Variants in MIER2 observed in about 807,000 individuals in gnomAD.
MIER2 encodes mesoderm induction early response protein 2.
A neutral mutation model predicts 67.6 loss-of-function variants in MIER2; 30 were observed. The observed-to-expected ratio is 0.44, with a 90% CI of 0.33 to 0.60. MIER2 has a LOEUF of 0.60. Ranked by LOEUF, MIER2 falls within the 20% of genes least tolerant of loss-of-function variation. The pLI is 0.02. For missense variants in MIER2, 702 were observed against 745.1 expected (o/e 0.94, Z 0.67); for synonymous variants, 372 against 312.6 (o/e 1.19, Z -2.00).
Position 306,723 on chromosome 19 carries a change from A to G in MIER2, c.1617-12T>C, listed in dbSNP as rs368456939. The G allele has an allele frequency of 3.7e-5, 58 of 1,558,686 alleles. No individual in the cohort carries two copies. Among genetic ancestry groups the G allele is most frequent in the Non-Finnish European group, 4.8e-5 (55 of 1,151,364 alleles). Reference sequence around the variant, plus strand: ...TCATCACGTTACAGCTGCAGGGGAGAGACCAAGAGAGACGCAGAGAGTGTC... The same window carrying G: ...TCATCACGTTACAGCTGCAGGGGAGGGACCAAGAGAGACGCAGAGAGTGTC... On this transcript the variant is annotated splice_polypyrimidine_tract_variant and intron_variant, in intron 13 of 13. Coordinates refer to ENST00000264819, the MANE Select transcript of MIER2 (RefSeq NM_017550.3).
At chr19:318,919 T>G in intron 7 of MIER2, among the ~76,000 whole-genome samples, 1 of 151,364 alleles carries the variant, frequency 6.6e-6, no homozygotes, top group Non-Finnish European at 1.5e-5. Context: ...TAGCCGGGCG[T>G]GGTGGTGGGC....
At position 308,530 on chromosome 19, in the gene MIER2, C is replaced by G; in HGVS notation, c.1198+47G>C. The stretch of plus-strand genomic sequence containing the variant: ...CTCCACCGGGCCTCACTCACGGCTC[C>G]AGACCCGTGGCCGCCCCCAGGGCAG... On this transcript the variant is annotated intron_variant, in intron 12 of 13. Coordinates refer to ENST00000264819, the MANE Select transcript of MIER2 (RefSeq NM_017550.3). This position sits in a 1 kb window ranked among gnomAD's most constrained non-coding sequence, Gnocchi z 9.1. 6.5e-7 allele frequency: 1 copy of G among 1,532,864 alleles called. No homozygotes were observed. The highest frequency in any genetic ancestry group is 8.8e-7 in the Non-Finnish European group (1 of 1,134,348). 95.0% of individuals were successfully genotyped at this position (1,532,864 alleles called of 1,614,324 possible). A position where few individuals can be genotyped will look rare whatever the true frequency, so the allele number is the denominator to read the frequency against.
chr19:327,737 A>C, intron 4 of MIER2, 127 bp downstream of exon 4: 1 of 1,429,516 alleles, frequency 7.0e-7, no homozygotes, highest in African/African-American at 1.4e-5. Flanking sequence ...TAGTGGTCAC[A>C]GGTACATTCT....
At chr19:326,174 A>G (rs939785989) in intron 6 of MIER2, among the ~76,000 whole-genome samples, 29 of 138,704 alleles carry the variant, frequency 2.1e-4, no homozygotes, top group Middle Eastern at 4.1e-3. Context: ...ACACGGCAGA[A>G]CCACGGCTGG....
intron 7 of MIER2, among the ~76,000 whole-genome samples, chr19:325,081 C>T (rs1395535975): frequency 6.6e-6 from 1 of 152,218 alleles, no homozygotes; most frequent in East Asian, 1.9e-4. Flanking sequence ...GGAGCACTGG[C>T]CCAGGGCCTG....
chr19:338,347 T>C (rs911930680), intron 1 of MIER2, among the ~76,000 whole-genome samples: 12 of 151,946 alleles, frequency 7.9e-5, no homozygotes, highest in Admixed American at 4.6e-4. Flanking sequence ...AAGCAACAAA[T>C]ACAAAAAGAA....
In MIER2 at chr19:309,248, A is replaced by C. The variant is rs890719965; in HGVS notation, c.985-323T>G. Among the ~76,000 whole-genome samples the C allele has an allele frequency of 1.3e-5, 2 of 151,568 alleles. 1 individual carries two copies. Among genetic ancestry groups the C allele is most frequent in the Non-Finnish European group, 2.9e-5 (2 of 67,902 alleles). On this transcript the variant is annotated intron_variant, in intron 10 of 13. Coordinates refer to ENST00000264819, the MANE Select transcript of MIER2 (RefSeq NM_017550.3). The stretch of plus-strand genomic sequence containing the variant: ...CCCTCCAGGCCTCTGTCTACTGCTC[A>C]CCCACCCCATCCCAGACCATGAGCC...
At chr19:344,448 C>G (rs891680716) in intron 1 of MIER2, 5 of 914,614 alleles carry the variant, frequency 5.5e-6, no homozygotes, top group African/African-American at 1.8e-5. Flanking sequence ...AACGGAGCCG[C>G]GCGCCCACCG....
At chr19:310,128 G>A (rs572926815) in intron 10 of MIER2, among the ~76,000 whole-genome samples, 2 of 152,094 alleles carry the variant, frequency 1.3e-5, no homozygotes, top group East Asian at 1.9e-4. Flanking sequence ...AGAGCTGGGC[G>A]CACACCTGGC....
chr19:341,389 T>C (rs1478706839), intron 1 of MIER2, among the ~76,000 whole-genome samples: 4 of 152,032 alleles, frequency 2.6e-5, no homozygotes, highest in Non-Finnish European at 5.9e-5. Flanking sequence ...GGCCCTTATA[T>C]GACGTGCCAT....
At chr19:311,782 C>A (rs979649066) in intron 10 of MIER2, 63 bp downstream of exon 10, 6 of 1,524,038 alleles carry the variant, frequency 3.9e-6, no homozygotes, top group Admixed American at 1.7e-5. Context: ...TGTGTGCCTG[C>A]GGACCCTGAG....
intron 1 of MIER2, chr19:344,095 A>G (rs1198922954): frequency 1.0e-6 from 1 of 985,296 alleles, no homozygotes; most frequent in Non-Finnish European, 1.2e-6. Context: ...TGTTTCCTGG[A>G]CGAGGGAGGA....
At chr19:320,996 A>C (rs1199398308) in intron 7 of MIER2, among the ~76,000 whole-genome samples, 1 of 152,238 alleles carries the variant, frequency 6.6e-6, no homozygotes, top group Non-Finnish European at 1.5e-5. Context: ...AGTAGCCGAC[A>C]CAAGGCACAA....
At chr19:324,058 ACAC>A (rs564794520) in intron 7 of MIER2, among the ~76,000 whole-genome samples, 1,604 of 117,268 alleles carry the variant, frequency 0.014, 65 homozygotes, top group African/African-American at 0.03. Flanking sequence ...ACAATGCAAT[ACAC>A]AAGACACACA....
At chr19:309,219 C>T (rs1376201889) in intron 10 of MIER2, among the ~76,000 whole-genome samples, 4 of 152,108 alleles carry the variant, frequency 2.6e-5, no homozygotes, top group African/African-American at 9.7e-5. Flanking sequence ...GCCAGACAAA[C>T]GTACCCTCCA....
intron 13 of MIER2, 112 bp from the exon 14 acceptor site, chr19:306,823 G>A: frequency 6.6e-7 from 1 of 1,505,092 alleles, no homozygotes; most frequent in Non-Finnish European, 9.0e-7. Context: ...CTCCCCCACA[G>A]CCTATGGCAG....
chr19:306,584 C>A lies in MIER2; in HGVS notation c.*106G>T. The A allele has an allele frequency of 1.4e-6, 2 of 1,461,698 alleles. No individual in the cohort carries two copies. Among genetic ancestry groups the A allele is most frequent in the Admixed American group, 2.0e-5 (1 of 50,342 alleles). 90.5% of individuals were successfully genotyped at this position (1,461,698 alleles called of 1,614,324 possible). A position where few individuals can be genotyped will look rare whatever the true frequency, so the allele number is the denominator to read the frequency against. ...TGTTCTGAAGCAGAAGGAGGTGCTA[C>A]CCCAAGGCCCGGGGGGTGGGGAAGG... On this transcript the variant is annotated 3_prime_UTR_variant, in exon 14 of 14. Coordinates refer to ENST00000264819, the MANE Select transcript of MIER2 (RefSeq NM_017550.3).
chr19:327,857 CACTT>C lies in MIER2; in HGVS notation c.369+3_369+6del. ...GTGAGCCAGTTCCAGGAAGGGCCCT[CACTT>C]ACTTTGTCCAGGGTCATGTCTGGGA... is the stretch of plus-strand genomic sequence containing the variant. On this transcript the variant is annotated splice_donor_5th_base_variant and intron_variant, in intron 4 of 13. Transcript: ENST00000264819. The C allele has an allele frequency of 6.2e-7, 1 of 1,611,090 alleles. No individual in the cohort carries two copies. Among genetic ancestry groups the C allele is most frequent in the Non-Finnish European group, 8.5e-7 (1 of 1,178,614 alleles).
intron 10 of MIER2, among the ~76,000 whole-genome samples, chr19:310,601 C>T (rs1970930924): frequency 6.6e-6 from 1 of 150,660 alleles, no homozygotes; most frequent in Non-Finnish European, 1.5e-5. Context: ...AGAAACACAG[C>T]CGGGAGCTAT....
Sources: gnomAD v4.1 joint callset for allele counts (sites outside exome capture counted in the v4.1 genomes callset) on GRCh38, gnomAD v4.1.1 for gene constraint, Gnocchi (gnomAD v3.1) non-coding constraint, MANE v1.5 for transcripts, NCBI Gene and HGNC (gene_info 2026-07-23, HGNC 2026-07-21) for gene names.